The following DCUN1D5 variants were observed in gnomAD, a reference collection of about 807,000 sequenced individuals.
The protein encoded by DCUN1D5 is DCN1-like protein 5.
A neutral mutation model predicts 38.3 loss-of-function variants in DCUN1D5; 10 were observed. The ratio of observed to expected loss-of-function variants is 0.26; its 90% CI spans 0.16 to 0.44. The LOEUF (loss-of-function observed/expected upper bound fraction) is 0.44, where lower values mean the gene tolerates loss of function less well. DCUN1D5 is among the 20% of genes least tolerant of loss of function. The pLI, the probability that DCUN1D5 is intolerant of heterozygous loss-of-function variation, is 1.00. For missense variants in DCUN1D5, 148 were observed against 275.3 expected (o/e 0.54, Z 3.27); for synonymous variants, 93 against 90.9 (o/e 1.02, Z -0.13).
At position 103,091,834 on chromosome 11, in the gene DCUN1D5, T is replaced by A. The variant is rs376042009; in HGVS notation, c.39A>T (p.Ala13=). The A allele has an allele frequency of 6.2e-7, 1 of 1,614,048 alleles. No individual in the cohort carries two copies. Among genetic ancestry groups the A allele is most frequent in the East Asian group, 2.2e-5 (1 of 44,864 alleles). ...VKKKRKSPGV[A]AAVAEDGGLK... ...GGCCTCCGTCTTCCGCTACTGCTGCTGCCACCCCAGGGGATTTTCTCTTCT... is the reference window on the plus strand; with the variant it reads ...GGCCTCCGTCTTCCGCTACTGCTGCAGCCACCCCAGGGGATTTTCTCTTCT... Residue 13 remains alanine (A), a synonymous_variant, in exon 1 of 8, where the codon GCA becomes GCT. Coordinates refer to ENST00000260247, the MANE Select transcript of DCUN1D5 (RefSeq NM_032299.4). The surrounding 1 kb of genome is among the most constrained non-coding windows in gnomAD (Gnocchi z 4.3).
Position 103,091,483 on chromosome 11 carries a change from G to C in DCUN1D5, c.86+304C>G. 1 of 364,082 alleles carries C rather than the reference G, an allele frequency of 2.7e-6. No individual in the cohort carries two copies. The highest frequency in any genetic ancestry group is 5.1e-6 in the Non-Finnish European group (1 of 194,858). The allele number at this position is 364,082 out of a possible 1,614,324, so 22.6% of individuals were successfully genotyped here. On this transcript the variant is annotated intron_variant, in intron 1 of 7. Coordinates refer to ENST00000260247, the MANE Select transcript of DCUN1D5 (RefSeq NM_032299.4). This position sits in a 1 kb window ranked among gnomAD's most constrained non-coding sequence, Gnocchi z 4.3. ...TAGGGGATCGAGGGTCGGTTGTGGG[G>C]TGGGGGTGGGGGTGGGGGGAAGCGC...
In DCUN1D5 at chr11:103,065,353, C is replaced by T. The variant is rs564482965; in HGVS notation, c.555+916G>A. ...TGTATTTTTAGTAGAGACGGGGATT[C>T]ACCATGTTGGCCAGGCTGGTCTCGA... On this transcript the variant is annotated intron_variant, in intron 6 of 7. Coordinates refer to ENST00000260247, the MANE Select transcript of DCUN1D5 (RefSeq NM_032299.4). The surrounding 1 kb of genome is among the most constrained non-coding windows in gnomAD (Gnocchi z 4.6). Among the ~76,000 whole-genome samples, 11 of 152,204 alleles carry T rather than the reference C, an allele frequency of 7.2e-5. No homozygotes were observed. The highest frequency in any genetic ancestry group is 1.5e-4 in the Non-Finnish European group (10 of 68,004).
rs1861937886 is a variant in DCUN1D5 at position 103,058,749 on chromosome 11, T to C, written c.*3610A>G. Among the ~76,000 whole-genome samples the C allele has an allele frequency of 6.6e-6, 1 of 151,936 alleles. No homozygotes were observed. The highest frequency in any genetic ancestry group is 2.4e-5 in the African/African-American group (1 of 41,402). On this transcript the variant is annotated 3_prime_UTR_variant, in exon 8 of 8. Transcript: ENST00000260247. The stretch of plus-strand genomic sequence containing the variant: ...AGTTAATGAAATTGTTATTCCTCTT[T>C]CTCCTGAAAAAAAAATGATCCTTTC...
Position 103,071,689 on chromosome 11 carries a change from A to G in DCUN1D5, c.342-5122T>C, listed in dbSNP as rs568817750. Among the ~76,000 whole-genome samples, 2 of 151,256 alleles carry G rather than the reference A, an allele frequency of 1.3e-5. No homozygotes were observed. Among genetic ancestry groups the G allele is most frequent in the Non-Finnish European group, 3.0e-5 (2 of 67,686 alleles). On this transcript the variant is annotated intron_variant, in intron 4 of 7. Transcript: ENST00000260247. This position sits in a 1 kb window ranked among gnomAD's most constrained non-coding sequence, Gnocchi z 4.1. ...AAAACTTGGATGAAATGGACCAATA[A>G]GTTCCTTGAAAAACACAAACTACCA...
At chr11:103,069,821 A>C (rs1862227224) in intron 4 of DCUN1D5, among the ~76,000 whole-genome samples, 1 of 152,188 alleles carries the variant, frequency 6.6e-6, no homozygotes, top group Non-Finnish European at 1.5e-5. Flanking sequence ...GGCAGCCCTG[A>C]TTTCTCTTGC....
chr11:103,090,165 TAA>T (rs1862821647), intron 1 of DCUN1D5, among the ~76,000 whole-genome samples: 1 of 152,214 alleles, frequency 6.6e-6, no homozygotes, highest in African/African-American at 2.4e-5. Context: ...ACCTGAGTTC[TAA>T]TAATACTGCC....
At position 103,091,921 on chromosome 11, in the gene DCUN1D5, C is replaced by T. The variant is rs753450090; in HGVS notation, c.-49G>A. 1.9e-6 allele frequency: 3 copies of T among 1,557,818 alleles called. No homozygotes were observed. The highest frequency in any genetic ancestry group is 1.8e-5 in the Admixed American group (1 of 56,406). The stretch of plus-strand genomic sequence containing the variant: ...GGCAGGGGAGCCGGGGAAGGGGGTC[C>T]CTGTCCGCTGGAAGCCCCTCAGCGC... On this transcript the variant is annotated 5_prime_UTR_variant, in exon 1 of 8. Coordinates refer to ENST00000260247, the MANE Select transcript of DCUN1D5 (RefSeq NM_032299.4). This position sits in a 1 kb window ranked among gnomAD's most constrained non-coding sequence, Gnocchi z 4.3.
At position 103,058,793 on chromosome 11, in the gene DCUN1D5, G is replaced by A. The variant is rs1035657016; in HGVS notation, c.*3566C>T. Among the ~76,000 whole-genome samples the A allele has an allele frequency of 2.0e-4, 30 of 151,946 alleles. No homozygotes were observed. Among genetic ancestry groups the A allele is most frequent in the African/African-American group, 6.8e-4 (28 of 41,428 alleles). On this transcript the variant is annotated 3_prime_UTR_variant, in exon 8 of 8. Coordinates refer to ENST00000260247, the MANE Select transcript of DCUN1D5 (RefSeq NM_032299.4). ...TCCTTTCTTTGAAATGTTTCCTTGTGATGATTTCTAATGTCACTCAAAAAG... is the reference window on the plus strand; with the variant it reads ...TCCTTTCTTTGAAATGTTTCCTTGTAATGATTTCTAATGTCACTCAAAAAG...
rs1021137858 is a variant in DCUN1D5, at chr11:103,063,030, A to G, written c.659-616T>C. 6.6e-6 allele frequency among the ~76,000 whole-genome samples: 1 copy of G among 152,146 alleles called. No individual in the cohort carries two copies. Among genetic ancestry groups the G allele is most frequent in the African/African-American group, 2.4e-5 (1 of 41,438 alleles). The stretch of plus-strand genomic sequence containing the variant: ...ATGTAGGAAAAAAATCACCGCCACA[A>G]AGAAATATGCTTGCTTTATTCTTCT... On this transcript the variant is annotated intron_variant, in intron 7 of 7. Transcript: ENST00000260247. The surrounding 1 kb of genome is among the most constrained non-coding windows in gnomAD (Gnocchi z 4.6).
At chr11:103,080,600 T>C (rs1041969635) in intron 4 of DCUN1D5, among the ~76,000 whole-genome samples, 13 of 152,068 alleles carry the variant, frequency 8.5e-5, no homozygotes, top group African/African-American at 2.7e-4. Context: ...TCTGGGCAAA[T>C]GGGAAAGGAA....
rs905899305 is a variant in DCUN1D5 at position 103,056,329 on chromosome 11, C to A, written c.*6030G>T. On this transcript the variant is annotated 3_prime_UTR_variant, in exon 8 of 8. Coordinates refer to ENST00000260247, the MANE Select transcript of DCUN1D5 (RefSeq NM_032299.4). This position sits in a 1 kb window ranked among gnomAD's most constrained non-coding sequence, Gnocchi z 4.9. ...CTCCCTAAAATGCTATTATTGTTCA[C>A]TACAGTCACACTGATCTCTTTACTG... Among the ~76,000 whole-genome samples, 12 of 152,182 alleles carry A rather than the reference C, an allele frequency of 7.9e-5. No homozygotes were observed. The highest frequency in any genetic ancestry group is 1.5e-4 in the Non-Finnish European group (10 of 68,028).
chr11:103,084,543 A>G (rs900813418), intron 2 of DCUN1D5, among the ~76,000 whole-genome samples: 1 of 152,220 alleles, frequency 6.6e-6, no homozygotes, highest in South Asian at 2.1e-4. Flanking sequence ...ATTATAGGGC[A>G]CTTTCTCTTC....
At position 103,051,436 on chromosome 11, in the gene DCUN1D5, G is replaced by T. The variant is rs1318677283; in HGVS notation, c.*10923C>A. The T allele has an allele frequency of 6.6e-6, 1 of 150,592 alleles. No homozygotes were observed. Among genetic ancestry groups the T allele is most frequent in the East Asian group, 2.0e-4 (1 of 5,042 alleles). The allele number at this position is 150,592 out of a possible 1,614,324, so 9.3% of individuals were successfully genotyped here. A position where few individuals can be genotyped will look rare whatever the true frequency, so the allele number is the denominator to read the frequency against. ...CTTATTCACCTGTGACATAACTTTG[G>T]AGTCTCATGGGAGTTCCAAAGTTTT... On this transcript the variant is annotated 3_prime_UTR_variant, in exon 8 of 8. Coordinates refer to ENST00000260247, the MANE Select transcript of DCUN1D5 (RefSeq NM_032299.4).
In DCUN1D5 at chr11:103,059,537, A is replaced by C. The variant is rs1423539874; in HGVS notation, c.*2822T>G. ...ATAAAATCTATACATTATACACAAA[A>C]ATGCTACTACTGTCAAAAATGTATT... On this transcript the variant is annotated 3_prime_UTR_variant, in exon 8 of 8. Transcript: ENST00000260247. Among the ~76,000 whole-genome samples the C allele has an allele frequency of 6.6e-6, 1 of 152,136 alleles. No individual in the cohort carries two copies. Among genetic ancestry groups the C allele is most frequent in the Non-Finnish European group, 1.5e-5 (1 of 68,020 alleles).
Position 103,077,865 on chromosome 11 carries a change from C to A in DCUN1D5, c.341+4883G>T, listed in dbSNP as rs940770387. Among the ~76,000 whole-genome samples the A allele has an allele frequency of 5.3e-5, 8 of 152,200 alleles. No individual in the cohort carries two copies. Among genetic ancestry groups the A allele is most frequent in the African/African-American group, 1.9e-4 (8 of 41,516 alleles). ...GGGTATTTGAAAATGTGCAGAGGGG[C>A]ATTTTGAAATTGTCATAATGACCTT... is the stretch of plus-strand genomic sequence containing the variant. On this transcript the variant is annotated intron_variant, in intron 4 of 7. Transcript: ENST00000260247. The surrounding 1 kb of genome is among the most constrained non-coding windows in gnomAD (Gnocchi z 4.3).
In DCUN1D5 at chr11:103,062,561, T is replaced by C; in HGVS notation, c.659-147A>G. On this transcript the variant is annotated intron_variant, in intron 7 of 7. Coordinates refer to ENST00000260247, the MANE Select transcript of DCUN1D5 (RefSeq NM_032299.4). The surrounding 1 kb of genome is among the most constrained non-coding windows in gnomAD (Gnocchi z 4.6). ...CTTCTAGACACCTTATTCCATTTAA[T>C]GGTGCTTTCTTATTAGCCTTTTCTT... 3.0e-6 allele frequency: 2 copies of C among 675,390 alleles called. No individual in the cohort carries two copies. Among genetic ancestry groups the C allele is most frequent in the South Asian group, 2.0e-5 (1 of 50,508 alleles). The allele number at this position is 675,390 out of a possible 1,614,324, so 41.8% of individuals were successfully genotyped here.
At position 103,083,613 on chromosome 11, in the gene DCUN1D5, T is replaced by C. The variant is rs760900811; in HGVS notation, c.179-287A>G. On this transcript the variant is annotated intron_variant, in intron 2 of 7. Coordinates refer to ENST00000260247, the MANE Select transcript of DCUN1D5 (RefSeq NM_032299.4). This position sits in a 1 kb window ranked among gnomAD's most constrained non-coding sequence, Gnocchi z 4.4. ...AAGTTAGTACAAAAACTCAAACCAA[T>C]CCATTAAAAAAAAAATTCACTGAGA... Among the ~76,000 whole-genome samples, 7 of 151,102 alleles carry C rather than the reference T, an allele frequency of 4.6e-5. No homozygotes were observed. Among genetic ancestry groups the C allele is most frequent in the Admixed American group, 6.6e-5 (1 of 15,182 alleles).
intron 2 of DCUN1D5, among the ~76,000 whole-genome samples, chr11:103,085,680 A>G (rs1371345234): frequency 6.6e-6 from 1 of 152,196 alleles, no homozygotes; most frequent in Non-Finnish European, 1.5e-5. Flanking sequence ...GGACTGCAAA[A>G]TGTTAATCCT....
At chr11:103,072,340 A>AAC (rs1862294068) in intron 4 of DCUN1D5, among the ~76,000 whole-genome samples, 1 of 78,382 alleles carries the variant, frequency 1.3e-5, no homozygotes, top group Admixed American at 1.1e-4. Context: ...ATCTAGAACT[A>AAC]GATCTAGATC....
Sources: allele counts gnomAD v4.1 joint callset (sites outside exome capture counted in the v4.1 genomes callset), GRCh38; gene constraint gnomAD v4.1.1; non-coding constraint Gnocchi (gnomAD v3.1); transcripts MANE v1.5; gene names NCBI Gene and HGNC (gene_info 2026-07-23, HGNC 2026-07-21).